Variants in AGPAT3 observed in about 807,000 individuals in gnomAD.
The protein encoded by AGPAT3 is 1-acylglycerol-3-phosphate O-acyltransferase 3.
In AGPAT3, 5 loss-of-function variants were observed where a neutral mutation model predicts 47.3. The observed-to-expected ratio is 0.11, with a 90% CI of 0.06 to 0.22. AGPAT3 has a LOEUF of 0.22. Among genes scored for constraint, AGPAT3 ranks in the 10% least tolerant of loss-of-function variants. AGPAT3 has a pLI of 1.00. For synonymous variants in AGPAT3, 212 were observed against 208.3 expected, an observed-to-expected ratio of 1.02 and a Z score of -0.15; for missense variants, 315 against 493.0, an observed-to-expected ratio of 0.64 and a Z score of 3.42.
In AGPAT3 at chr21:43,922,801, C is replaced by T. The variant is rs1335789579; in HGVS notation, c.-49+18782C>T. ...CTCAGGAGCCACGTGCCAGGCAGGT[C>T]ACTCCGTCAGCATAGGGGCTGCCAT... On this transcript the variant is annotated intron_variant, in intron 2 of 9. Coordinates refer to ENST00000291572, the MANE Select transcript of AGPAT3 (RefSeq NM_020132.5). This position sits in a 1 kb window ranked among gnomAD's most constrained non-coding sequence, Gnocchi z 4.9. 5.3e-5 allele frequency among the ~76,000 whole-genome samples: 8 copies of T among 152,144 alleles called. No individual in the cohort carries two copies. The highest frequency in any genetic ancestry group is 1.7e-4 in the African/African-American group (7 of 41,432).
At chr21:43,893,777 G>A (rs2086151875) in intron 1 of AGPAT3, among the ~76,000 whole-genome samples, 2 of 152,172 alleles carry the variant, frequency 1.3e-5, no homozygotes, top group African/African-American at 4.8e-5. Flanking sequence ...GAGCATGCAC[G>A]ACCTTTTTCC....
chr21:43,978,186 C>A lies in AGPAT3; in HGVS notation c.843+65C>A, dbSNP rs189929741. 2.7e-6 allele frequency: 4 copies of A among 1,462,442 alleles called. No homozygotes were observed. The East Asian group carries it at 9.2e-5, about 34-fold the overall frequency. The allele number at this position is 1,462,442 out of a possible 1,614,324, so 90.6% of individuals were successfully genotyped here. On this transcript the variant is annotated intron_variant, in intron 8 of 9. Coordinates refer to ENST00000291572, the MANE Select transcript of AGPAT3 (RefSeq NM_020132.5). ...GAAGAGGCTGTGGAAGGGGTGCTGG[C>A]GAGCAGGCAGGTGACACGTGGGAAC...
chr21:43,898,981 G>A (rs2086291100), intron 1 of AGPAT3, among the ~76,000 whole-genome samples: 1 of 152,072 alleles, frequency 6.6e-6, no homozygotes, highest in Admixed American at 6.5e-5. Context: ...CTCCCAAAGT[G>A]TTTGGATTAT....
At chr21:43,951,605 G>A (rs1029325591) in intron 2 of AGPAT3, among the ~76,000 whole-genome samples, 1 of 152,210 alleles carries the variant, frequency 6.6e-6, no homozygotes, top group African/African-American at 2.4e-5. Flanking sequence ...AGAGCAGGAC[G>A]CCAGCTGGGG....
At chr21:43,881,817 G>A (rs760529846) in intron 1 of AGPAT3, among the ~76,000 whole-genome samples, 13 of 152,056 alleles carry the variant, frequency 8.5e-5, no homozygotes, top group African/African-American at 2.7e-4. Flanking sequence ...CACCACGCCC[G>A]GCTAATTTTT....
At chr21:43,893,788 A>G (rs1361679274) in intron 1 of AGPAT3, among the ~76,000 whole-genome samples, 2 of 152,066 alleles carry the variant, frequency 1.3e-5, no homozygotes, top group African/African-American at 2.4e-5. Flanking sequence ...ACCTTTTTCC[A>G]CTCAGTTCCT....
chr21:43,922,473 C>G lies in AGPAT3; in HGVS notation c.-49+18454C>G, dbSNP rs1340854724. On this transcript the variant is annotated intron_variant, in intron 2 of 9. Coordinates refer to ENST00000291572, the MANE Select transcript of AGPAT3 (RefSeq NM_020132.5). This position sits in a 1 kb window ranked among gnomAD's most constrained non-coding sequence, Gnocchi z 4.9. ...GCAGGCAGCGAGTGGAGGAGAGTCT[C>G]CCTGGGACCCTCCTTAACCCCACCC... 6.6e-6 allele frequency among the ~76,000 whole-genome samples: 1 copy of G among 151,846 alleles called. No individual in the cohort carries two copies. Among genetic ancestry groups the G allele is most frequent in the Non-Finnish European group, 1.5e-5 (1 of 67,956 alleles).
intron 7 of AGPAT3, among the ~76,000 whole-genome samples, chr21:43,972,147 ATTT>A (rs11369044): frequency 6.7e-6 from 1 of 148,326 alleles, no homozygotes; most frequent in African/African-American, 2.5e-5. Context: ...AGCCTGTTTG[ATTT>A]TTTTTTTTCT....
At position 43,955,619 on chromosome 21, in the gene AGPAT3, G is replaced by A. The variant is rs541566609; in HGVS notation, c.-48-4015G>A. 5.2e-3 allele frequency among the ~76,000 whole-genome samples: 782 copies of A among 151,824 alleles called. 7 individuals are homozygous for A. Among genetic ancestry groups the A allele is most frequent in the African/African-American group, 0.018 (731 of 41,480 alleles). On this transcript the variant is annotated intron_variant, in intron 2 of 9. Coordinates refer to ENST00000291572, the MANE Select transcript of AGPAT3 (RefSeq NM_020132.5). The surrounding 1 kb of genome is among the most constrained non-coding windows in gnomAD (Gnocchi z 4.1). Reference sequence around the variant, plus strand: ...GAGAATCTGATTTTTAAAAATAAACGTCATGACTGGGTGCGGTGGCTCACA... The same window carrying A: ...GAGAATCTGATTTTTAAAAATAAACATCATGACTGGGTGCGGTGGCTCACA...
chr21:43,956,818 A>AT (rs957367402), intron 2 of AGPAT3, among the ~76,000 whole-genome samples: 1 of 152,218 alleles, frequency 6.6e-6, no homozygotes. Flanking sequence ...CCGCTCACAC[A>AT]TCCTTGTGAT....
intron 2 of AGPAT3, among the ~76,000 whole-genome samples, chr21:43,906,945 G>A (rs1017589535): frequency 6.6e-6 from 1 of 152,196 alleles, no homozygotes; most frequent in East Asian, 1.9e-4. Flanking sequence ...CTGGCAGGGG[G>A]AACAGGAAGG....
chr21:43,923,828 C>A (rs1050905682), intron 2 of AGPAT3, among the ~76,000 whole-genome samples: 2 of 152,130 alleles, frequency 1.3e-5, no homozygotes, highest in African/African-American at 2.4e-5. Context: ...TGGGTGAGTT[C>A]ACCACCCTGA....
At chr21:43,969,353 A>G (rs1034338911) in intron 5 of AGPAT3, 74 bp downstream of exon 5, 19 of 1,576,930 alleles carry the variant, frequency 1.2e-5, no homozygotes, top group Non-Finnish European at 1.5e-5. Flanking sequence ...ACGGCTGCCC[A>G]CATCCCAGGC....
At chr21:43,962,737 G>C (rs1027780428) in intron 3 of AGPAT3, among the ~76,000 whole-genome samples, 8 of 152,244 alleles carry the variant, frequency 5.3e-5, no homozygotes, top group African/African-American at 1.9e-4. Flanking sequence ...AGACAAGCTA[G>C]GGTTAACAGT....
intron 1 of AGPAT3, among the ~76,000 whole-genome samples, chr21:43,882,966 C>T (rs975440006): frequency 6.6e-6 from 1 of 152,252 alleles, no homozygotes; most frequent in Non-Finnish European, 1.5e-5. Flanking sequence ...TGGTCAGCCC[C>T]AACACCAGGC....
chr21:43,875,562 C>G (rs2085715664), intron 1 of AGPAT3, among the ~76,000 whole-genome samples: 1 of 152,176 alleles, frequency 6.6e-6, no homozygotes, highest in Non-Finnish European at 1.5e-5. Context: ...AGCTGTCTTC[C>G]AATTTAGCAA....
At chr21:43,976,825 G>A (rs547793222) in intron 7 of AGPAT3, among the ~76,000 whole-genome samples, 361 of 152,310 alleles carry the variant, frequency 2.4e-3, no homozygotes, top group African/African-American at 8.2e-3. Flanking sequence ...ACGTCTTGCC[G>A]TGTGGCTCAG....
rs918471821 is a variant in AGPAT3, at chr21:43,982,128, G to A, written c.1043-176G>A. 1.3e-5 allele frequency among the ~76,000 whole-genome samples: 2 copies of A among 152,180 alleles called. No homozygotes were observed. Among genetic ancestry groups the A allele is most frequent in the Non-Finnish European group, 1.5e-5 (1 of 68,034 alleles). ...CCTCACCCCTGCCTGAGCAGACCAC[G>A]GTCTGAGAGGGCTGTCTCCCCGCGG... On this transcript the variant is annotated intron_variant, in intron 9 of 9. Transcript: ENST00000291572. The surrounding 1 kb of genome is among the most constrained non-coding windows in gnomAD (Gnocchi z 6.2).
intron 1 of AGPAT3, among the ~76,000 whole-genome samples, chr21:43,869,878 G>A (rs905976501): frequency 2.0e-5 from 3 of 152,220 alleles, no homozygotes; most frequent in Non-Finnish European, 4.4e-5. Context: ...AAAATTTTAT[G>A]CATGTATTTT....
Sources: allele counts gnomAD v4.1 joint callset (sites outside exome capture counted in the v4.1 genomes callset), GRCh38; gene constraint gnomAD v4.1.1; non-coding constraint Gnocchi (gnomAD v3.1); transcripts MANE v1.5; gene names NCBI Gene and HGNC (gene_info 2026-07-23, HGNC 2026-07-21).